MINAR1: variants seen among roughly 807,000 people sequenced by gnomAD.
MINAR1 encodes membrane integral NOTCH2 associated receptor 1.
In MINAR1, 40 loss-of-function variants were observed where a neutral mutation model predicts 65.1. That is an observed-to-expected ratio of 0.61 (90% CI 0.48 to 0.80). The LOEUF (loss-of-function observed/expected upper bound fraction) is 0.80. Among genes scored for constraint, MINAR1 ranks in the 30% least tolerant of loss-of-function variants. MINAR1 has a pLI of 0.00. For synonymous variants in MINAR1, 482 were observed against 449.1 expected, an observed-to-expected ratio of 1.07 and a Z score of -0.93; for missense variants, 1,128 against 1,148.0, an observed-to-expected ratio of 0.98 and a Z score of 0.25.
At chr15:79,461,492 A>G (rs953710191) in intron 2 of MINAR1, among the ~76,000 whole-genome samples, 1 of 152,194 alleles carries the variant, frequency 6.6e-6, no homozygotes, top group Non-Finnish European at 1.5e-5. Context: ...TCTGCATGCA[A>G]TAGGAGCTCT....
chr15:79,425,695 G>C, the MINAR1 span: 1 of 152,166 alleles, frequency 6.6e-6, no homozygotes, highest in East Asian at 1.9e-4. Flanking sequence ...GAAACATATG[G>C]TGTAGCCTCT....
rs1895473695 is a variant in MINAR1 at position 79,457,453 on chromosome 15, A to G, written c.1306A>G (p.Lys436Glu). ...TTATGCGGCAAAACAAAATGGGCTC[A>G]AATCTAAAGAGATCTCATCCCCTGT... ...IAYAAKQNGL[K>E]SKEISSPVDL... Residue 436 changes from lysine (K) to glutamate (E), a missense_variant, in exon 2 of 4, where the codon AAA becomes GAA. Coordinates refer to ENST00000305428, the MANE Select transcript of MINAR1 (RefSeq NM_015206.3). 3 of 1,614,208 alleles carry G rather than the reference A, an allele frequency of 1.9e-6. No individual in the cohort carries two copies. The highest frequency in any genetic ancestry group is 1.6e-4 in the Middle Eastern group (1 of 6,062).
chr15:79,465,407 C>G (rs577271390), intron 3 of MINAR1, among the ~76,000 whole-genome samples: 1 of 150,534 alleles, frequency 6.6e-6, no homozygotes. Flanking sequence ...GGTGCAGACC[C>G]CGTTCTTCTT....
At chr15:79,421,578 A>T in the MINAR1 span, 1 of 152,224 alleles carries the variant, frequency 6.6e-6, no homozygotes, top group Non-Finnish European at 1.5e-5. Flanking sequence ...ATTTGAATGA[A>T]GTTCTAGGGT....
rs1245705167 is a variant in MINAR1, at chr15:79,466,072, G to C, written c.2554-2115G>C. On this transcript the variant is annotated intron_variant, in intron 3 of 3. Coordinates refer to ENST00000305428, the MANE Select transcript of MINAR1 (RefSeq NM_015206.3). ...CAGGAGTTTCTTGCAAAGGCTGAAGGGTTGGACAGAGCACTCTGCACAATA... is the reference window on the plus strand; with the variant it reads ...CAGGAGTTTCTTGCAAAGGCTGAAGCGTTGGACAGAGCACTCTGCACAATA... Among the ~76,000 whole-genome samples, 516 of 152,284 alleles carry C rather than the reference G, an allele frequency of 3.4e-3. 2 individuals carry two copies. The highest frequency in any genetic ancestry group is 0.012 in the African/African-American group (489 of 41,560).
intron 1 of MINAR1, among the ~76,000 whole-genome samples, chr15:79,451,780 G>C (rs1030025325): frequency 1.3e-5 from 2 of 152,180 alleles, no homozygotes; most frequent in Admixed American, 1.3e-4. Flanking sequence ...GGGTGACAGG[G>C]TGCTGCAGTG....
intron 3 of MINAR1, among the ~76,000 whole-genome samples, chr15:79,465,409 GTTC>G (rs1442795405): frequency 6.7e-6 from 1 of 150,120 alleles, no homozygotes; most frequent in African/African-American, 2.5e-5. Context: ...TGCAGACCCC[GTTC>G]TTCTTTCCAG....
chr15:79,437,614 G>A (rs916907769), intron 1 of MINAR1, among the ~76,000 whole-genome samples: 45 of 143,884 alleles, frequency 3.1e-4, no homozygotes, highest in Non-Finnish European at 5.6e-4. Flanking sequence ...GAGAGGTAAT[G>A]AGTGAGTGTA....
chr15:79,459,297 C>G (rs1030155069), intron 2 of MINAR1, among the ~76,000 whole-genome samples: 2 of 152,214 alleles, frequency 1.3e-5, no homozygotes, highest in African/African-American at 4.8e-5. Context: ...GTTGGAGGCT[C>G]TTTCACGTAA....
At position 79,464,842 on chromosome 15, in the gene MINAR1, C is replaced by T. The variant is rs182194482; in HGVS notation, c.2553+1521C>T. The stretch of plus-strand genomic sequence containing the variant: ...CAATCCCTCTTCTGTCAACTTCCTG[C>T]GGGCAAGGAGGCTAGACAGGGATTT... On this transcript the variant is annotated intron_variant, in intron 3 of 3. Coordinates refer to ENST00000305428, the MANE Select transcript of MINAR1 (RefSeq NM_015206.3). Among the ~76,000 whole-genome samples the T allele has an allele frequency of 3.4e-3, 509 of 151,682 alleles. 3 individuals are homozygous for T. The highest frequency in any genetic ancestry group is 0.012 in the African/African-American group (484 of 41,456).
chr15:79,437,063 A>G (rs1374360756), intron 1 of MINAR1, among the ~76,000 whole-genome samples: 1 of 152,228 alleles, frequency 6.6e-6, no homozygotes, highest in African/African-American at 2.4e-5. Flanking sequence ...GAAGCTAAAC[A>G]TGCAAGTTTT....
Position 79,468,279 on chromosome 15 carries a change from C to A in MINAR1, c.2646C>A (p.Ala882=). The A allele has an allele frequency of 1.2e-6, 2 of 1,613,968 alleles. No individual in the cohort carries two copies. The highest frequency in any genetic ancestry group is 1.7e-6 in the Non-Finnish European group (2 of 1,179,952). The change falls in exon 4 of 4, where the codon GCC becomes GCA. Residue 882 remains alanine (A), a synonymous_variant. Coordinates refer to ENST00000305428, the MANE Select transcript of MINAR1 (RefSeq NM_015206.3). Reference sequence around the variant, plus strand: ...ATTCATTACTAAAACGTAAAGAAGCCGAATTCAGACGAGCCAAGGTCTGCA... The same window carrying A: ...ATTCATTACTAAAACGTAAAGAAGCAGAATTCAGACGAGCCAAGGTCTGCA... ...GYDSLLKRKE[A]EFRRAKVCKI...
At chr15:79,433,890 G>C (rs1894522983) in intron 1 of MINAR1, among the ~76,000 whole-genome samples, 1 of 152,210 alleles carries the variant, frequency 6.6e-6, no homozygotes, top group Non-Finnish European at 1.5e-5. Context: ...TGAAATAAGA[G>C]AAGTGGATTA....
intron 1 of MINAR1, among the ~76,000 whole-genome samples, chr15:79,452,331 T>G (rs567337355): frequency 5.4e-4 from 82 of 152,108 alleles, no homozygotes; most frequent in African/African-American, 1.9e-3. Flanking sequence ...TGTGTCTGGA[T>G]GAGTGTGACT....
intron 1 of MINAR1, among the ~76,000 whole-genome samples, chr15:79,450,098 C>T (rs1895141713): frequency 6.6e-6 from 1 of 152,192 alleles, no homozygotes; most frequent in Non-Finnish European, 1.5e-5. Context: ...TTTATGAAAA[C>T]AGCCTAGGGG....
chr15:79,459,304 G>A (rs1054246446), intron 2 of MINAR1, among the ~76,000 whole-genome samples: 5 of 151,972 alleles, frequency 3.3e-5, no homozygotes, highest in Admixed American at 6.6e-5. Flanking sequence ...GCTCTTTCAC[G>A]TAAGCTCTGT....
chr15:79,453,165 C>A (rs1482327092), intron 1 of MINAR1, among the ~76,000 whole-genome samples: 2 of 152,028 alleles, frequency 1.3e-5, no homozygotes, highest in Admixed American at 6.6e-5. Flanking sequence ...TCCGTGCCCC[C>A]CTCTCTGAGC....
At chr15:79,458,588 A>G in intron 2 of MINAR1, 143 bp downstream of exon 2, 14 of 1,030,134 alleles carry the variant, frequency 1.4e-5, no homozygotes, top group Non-Finnish European at 1.9e-5. Context: ...CAGGGTTTTC[A>G]CATTGGAATA....
chr15:79,457,131 C>T lies in MINAR1; in HGVS notation c.984C>T (p.His328=), dbSNP rs199774794. The change falls in exon 2 of 4, where the codon CAC becomes CAT. Residue 328 remains histidine, a synonymous_variant. Transcript: ENST00000305428. ...SPVPDKRRAK[H]ESLDDLQAST... ...TTCCTGACAAAAGGCGAGCAAAGCA[C>T]GAAAGCTTAGATGACCTTCAAGCCT... 5.9e-5 allele frequency: 96 copies of T among 1,614,010 alleles called. No homozygotes were observed. Among genetic ancestry groups the T allele is most frequent in the Non-Finnish European group, 7.7e-5 (91 of 1,180,038 alleles).
Sources: allele counts gnomAD v4.1 joint callset (sites outside exome capture counted in the v4.1 genomes callset), GRCh38; gene constraint gnomAD v4.1.1; transcripts MANE v1.5; gene names NCBI Gene and HGNC (gene_info 2026-07-23, HGNC 2026-07-21).